The following SRRM3 variants were observed in gnomAD, a reference collection of about 807,000 sequenced individuals.
SRRM3 encodes the protein serine/arginine repetitive matrix protein 3.
Under a neutral mutation model 66.2 loss-of-function variants are expected in SRRM3, and 27 were observed. The observed-to-expected ratio is 0.41, with a 90% CI of 0.30 to 0.56. SRRM3 has a LOEUF of 0.56. Ranked by LOEUF, SRRM3 falls within the 20% of genes least tolerant of loss-of-function variation. SRRM3 has a pLI of 0.32. For missense variants in SRRM3, 918 were observed against 991.9 expected (o/e 0.93, Z 1.00); for synonymous variants, 391 against 414.9 (o/e 0.94, Z 0.70).
intron 1 of SRRM3, among the ~76,000 whole-genome samples, chr7:76,206,556 A>G (rs116783433): frequency 0.015 from 2,218 of 152,248 alleles, 59 homozygotes; most frequent in African/African-American, 0.05. Flanking sequence ...TCATGAGCGC[A>G]GGAGGGCGAC....
At chr7:76,243,296 T>C (rs1801355122) in intron 2 of SRRM3, among the ~76,000 whole-genome samples, 1 of 152,060 alleles carries the variant, frequency 6.6e-6, no homozygotes, top group South Asian at 2.1e-4. Context: ...GTCATCACTG[T>C]CCCAAGTGGC....
chr7:76,282,580 A>ACCCCCCC, intron 12 of SRRM3, 68 bp from the exon 13 acceptor site: 10 of 172,286 alleles, frequency 5.8e-5, no homozygotes, highest in East Asian at 1.0e-4. Context: ...CGCCCCAGGG[A>ACCCCCCC]ACCCTCCCCG....
chr7:76,232,960 C>T (rs990320938), intron 1 of SRRM3, among the ~76,000 whole-genome samples: 1 of 151,240 alleles, frequency 6.6e-6, no homozygotes, highest in African/African-American at 2.4e-5. Flanking sequence ...CTTGGGTCCA[C>T]GTGGTAACAG....
At chr7:76,277,716 CAAAA>C (rs386353056) in intron 11 of SRRM3, among the ~76,000 whole-genome samples, 3 of 102,780 alleles carry the variant, frequency 2.9e-5, no homozygotes, top group African/African-American at 1.3e-4. Flanking sequence ...TAAACAACAA[CAAAA>C]AAAAAAAAAA....
rs1356405246 is a variant in SRRM3, at chr7:76,202,013, C to G, written c.-94C>G. On this transcript the variant is annotated 5_prime_UTR_variant, in exon 1 of 15. Transcript: ENST00000611745. Reference sequence around the variant, plus strand: ...CAGACTAGGCGGCAGCCCGGACCGGCGGGACCCGAGGGCCTGGCCCCAGCG... The same window carrying G: ...CAGACTAGGCGGCAGCCCGGACCGGGGGGACCCGAGGGCCTGGCCCCAGCG... 6.6e-6 allele frequency: 1 copy of G among 152,596 alleles called. No individual in the cohort carries two copies. Among genetic ancestry groups the G allele is most frequent in the Non-Finnish European group, 1.5e-5 (1 of 68,390 alleles). 9.5% of individuals were successfully genotyped at this position (152,596 alleles called of 1,614,324 possible).
chr7:76,282,699 G>C lies in SRRM3; in HGVS notation c.1422G>C (p.Pro474=), dbSNP rs1355123560. The C allele has an allele frequency of 2.1e-6, 3 of 1,418,632 alleles. No individual in the cohort carries two copies. The highest frequency in any genetic ancestry group is 1.5e-5 in the South Asian group (1 of 68,962). 87.9% of individuals were successfully genotyped at this position (1,418,632 alleles called of 1,614,324 possible). Residue 474 remains proline (P), a synonymous_variant, in exon 13 of 15, where the codon CCG becomes CCC. Transcript: ENST00000611745. ...GGCCCGCCAGCACCTCTCCGTCCCCGGGCGCGCACGGCCGGCGCGGCGGCC... is the reference window on the plus strand; with the variant it reads ...GGCCCGCCAGCACCTCTCCGTCCCCCGGCGCGCACGGCCGGCGCGGCGGCC... ...RARPASTSPS[P]GAHGRRGGPE...
chr7:76,229,894 C>T (rs1355216387), intron 1 of SRRM3, among the ~76,000 whole-genome samples: 1 of 152,090 alleles, frequency 6.6e-6, no homozygotes, highest in Non-Finnish European at 1.5e-5. Flanking sequence ...CAGGCATGCA[C>T]CACCATGACT....
At chr7:76,258,134 T>C (rs1163707340) in intron 3 of SRRM3, among the ~76,000 whole-genome samples, 1 of 152,110 alleles carries the variant, frequency 6.6e-6, no homozygotes, top group Non-Finnish European at 1.5e-5. Flanking sequence ...ATAGGGAGTA[T>C]TGGAGGCCCC....
chr7:76,203,000 G>T (rs115768105), intron 1 of SRRM3, among the ~76,000 whole-genome samples: 1,998 of 152,218 alleles, frequency 0.013, 37 homozygotes, highest in African/African-American at 0.044. Flanking sequence ...CCCTAGCATC[G>T]GGGGCTTGAG....
intron 2 of SRRM3, among the ~76,000 whole-genome samples, chr7:76,239,156 C>CCGAGTAGCTGGGACTATAGGAGCA (rs1801222374): frequency 1.3e-5 from 2 of 152,042 alleles, no homozygotes; most frequent in Non-Finnish European, 2.9e-5. Flanking sequence ...CCTCAGCCTT[C>CCGAGTAGCTGGGACTATAGGAGCA]CGAGTAGCTG....
chr7:76,247,776 C>T (rs1443458211), intron 2 of SRRM3, among the ~76,000 whole-genome samples: 1 of 152,150 alleles, frequency 6.6e-6, no homozygotes, highest in African/African-American at 2.4e-5. Flanking sequence ...CCTACTGCAA[C>T]CTCTGCCTCC....
In SRRM3 at chr7:76,261,705, T is replaced by C. The variant is rs1583921290; in HGVS notation, c.674+124T>C. 3 of 1,114,578 alleles carry C rather than the reference T, an allele frequency of 2.7e-6. No homozygotes were observed. In the East Asian group the frequency reaches 7.8e-5, roughly 29 times the overall value. 69.0% of individuals were successfully genotyped at this position (1,114,578 alleles called of 1,614,324 possible). On this transcript the variant is annotated intron_variant, in intron 8 of 14. Coordinates refer to ENST00000611745, the MANE Select transcript of SRRM3 (RefSeq NM_001110199.3). The stretch of plus-strand genomic sequence containing the variant: ...TCCATCCTTCAGCTCCAGGGTTCCT[T>C]CCCACAGCCAGGCTGCGGGGACAGG...
At chr7:76,284,957 T>G (rs566282972) in intron 14 of SRRM3, among the ~76,000 whole-genome samples, 9 of 152,240 alleles carry the variant, frequency 5.9e-5, no homozygotes, top group Admixed American at 5.9e-4. Context: ...ATTCCTTGAT[T>G]GCAGAGGGGA....
chr7:76,254,050 C>T (rs1159269650), intron 3 of SRRM3, among the ~76,000 whole-genome samples: 1 of 152,100 alleles, frequency 6.6e-6, no homozygotes, highest in Non-Finnish European at 1.5e-5. Flanking sequence ...TGGAGTCTCA[C>T]TGTCACCCAG....
intron 11 of SRRM3, among the ~76,000 whole-genome samples, chr7:76,278,251 C>T (rs911869056): frequency 3.3e-5 from 5 of 151,962 alleles, no homozygotes; most frequent in Admixed American, 2.6e-4. Flanking sequence ...CTTTGGGAGG[C>T]CGAGGCAGGT....
chr7:76,227,181 A>C (rs1800893507), intron 1 of SRRM3, among the ~76,000 whole-genome samples: 1 of 147,968 alleles, frequency 6.8e-6, no homozygotes, highest in Non-Finnish European at 1.5e-5. Context: ...AAGACTTCCC[A>C]TGTGCTGCTC....
At chr7:76,258,742 AAAAG>A (rs1242618381) in intron 3 of SRRM3, among the ~76,000 whole-genome samples, 22 of 142,644 alleles carry the variant, frequency 1.5e-4, no homozygotes, top group African/African-American at 5.2e-4. Flanking sequence ...AAGAAAAAGA[AAAAG>A]AAAAAAAAAA....
At chr7:76,280,289 T>A (rs1304469118) in intron 11 of SRRM3, among the ~76,000 whole-genome samples, 2 of 152,006 alleles carry the variant, frequency 1.3e-5, no homozygotes, top group Non-Finnish European at 2.9e-5. Context: ...TCTAATGACA[T>A]TTGTGGATTT....
At chr7:76,202,936 A>G (rs1414284077) in intron 1 of SRRM3, among the ~76,000 whole-genome samples, 1 of 152,116 alleles carries the variant, frequency 6.6e-6, no homozygotes, top group Non-Finnish European at 1.5e-5. Flanking sequence ...GTGGTACTTC[A>G]ATGCCTGTGC....
Sources: allele counts gnomAD v4.1 joint callset (sites outside exome capture counted in the v4.1 genomes callset), GRCh38; gene constraint gnomAD v4.1.1; transcripts MANE v1.5; gene names NCBI Gene and HGNC (gene_info 2026-07-23, HGNC 2026-07-21).